The following PCDHGA10 variants were observed in gnomAD, a reference collection of about 807,000 sequenced individuals.
PCDHGA10 encodes protocadherin gamma-A10.
Under a neutral mutation model 59.5 loss-of-function variants are expected in PCDHGA10, and 42 were observed. The observed-to-expected ratio is 0.71, with a 90% CI of 0.55 to 0.91. The LOEUF (loss-of-function observed/expected upper bound fraction) is 0.91. PCDHGA10 is among the 40% of genes least tolerant of loss of function. The pLI is 0.00. For missense variants in PCDHGA10, 1,111 were observed against 1,198.2 expected, an observed-to-expected ratio of 0.93 and a Z score of 1.07; for synonymous variants, 511 against 517.2, an observed-to-expected ratio of 0.99 and a Z score of 0.16.
chr5:141,430,155 A>G (rs1440666899), intron 1 of PCDHGA10, among the ~76,000 whole-genome samples: 7 of 152,184 alleles, frequency 4.6e-5, no homozygotes, highest in Admixed American at 1.3e-4. Flanking sequence ...CATTCAAGGA[A>G]TCTATTTAAA....
chr5:141,465,950 A>G (rs570810183), intron 1 of PCDHGA10, among the ~76,000 whole-genome samples: 2 of 152,102 alleles, frequency 1.3e-5, no homozygotes, highest in African/African-American at 4.8e-5. Flanking sequence ...GTGAAACCCC[A>G]TCTCTACTAA....
At position 141,431,338 on chromosome 5, in the gene PCDHGA10, A is replaced by G; in HGVS notation, c.2436+15727A>G. On this transcript the variant is annotated intron_variant, in intron 1 of 3. Transcript: ENST00000398610. This position sits in a 1 kb window ranked among gnomAD's most constrained non-coding sequence, Gnocchi z 4.8. ...GAGCCGACGGTAGTAAGTACCCCGA[A>G]TTGGTGCTGAAACGCGCCCTGGACC... 1 of 1,614,068 alleles carries G rather than the reference A, an allele frequency of 6.2e-7. No homozygotes were observed. The highest frequency in any genetic ancestry group is 8.5e-7 in the Non-Finnish European group (1 of 1,180,032).
intron 2 of PCDHGA10, 179 bp downstream of exon 2, chr5:141,495,044 T>C (rs2099758475): frequency 1.1e-6 from 1 of 944,572 alleles, no homozygotes; most frequent in Non-Finnish European, 1.3e-6. Flanking sequence ...AAGAGGCGAC[T>C]GCCCTGACTG....
chr5:141,418,527 G>A, intron 1 of PCDHGA10: 2 of 1,614,018 alleles, frequency 1.2e-6, no homozygotes, highest in South Asian at 1.1e-5. Flanking sequence ...CCTCCCCGAA[G>A]CGGTACTGCT....
intron 1 of PCDHGA10, among the ~76,000 whole-genome samples, chr5:141,470,624 A>G (rs1421700811): frequency 6.6e-6 from 1 of 152,220 alleles, no homozygotes; most frequent in Non-Finnish European, 1.5e-5. Flanking sequence ...TCATGCTTAG[A>G]TAGGCCCCCT....
At chr5:141,419,190 A>G in intron 1 of PCDHGA10, 1 of 1,613,930 alleles carries the variant, frequency 6.2e-7, no homozygotes, top group South Asian at 1.1e-5. Flanking sequence ...CACATTACTG[A>G]CGTCAATGAC....
rs2098098668 is a variant in PCDHGA10, at chr5:141,439,210, T to C, written c.2436+23599T>C. Among the ~76,000 whole-genome samples the C allele has an allele frequency of 4.0e-5, 6 of 150,296 alleles. No homozygotes were observed. The Middle Eastern group carries it at 0.014, about 343-fold the overall frequency. On this transcript the variant is annotated intron_variant, in intron 1 of 3. Transcript: ENST00000398610. The stretch of plus-strand genomic sequence containing the variant: ...TCTGACAAAAAAAAAAAAAAATCCA[T>C]ATGTGAAAATTCTTAGAAGCTTCCT...
In PCDHGA10 at chr5:141,486,705, A is replaced by T. The variant is rs2099633722; in HGVS notation, c.2437-8102A>T. On this transcript the variant is annotated intron_variant, in intron 1 of 3. Transcript: ENST00000398610. This position sits in a 1 kb window ranked among gnomAD's most constrained non-coding sequence, Gnocchi z 5.0. ...TCAGCTTCCTCTTTCATCTCTCTGA[A>T]CCCCCAGACAGGAGCTGTTCATGCT... The T allele has an allele frequency of 6.2e-7, 1 of 1,613,844 alleles. No individual in the cohort carries two copies. The highest frequency in any genetic ancestry group is 1.3e-5 in the African/African-American group (1 of 74,910).
At chr5:141,421,770 G>T in intron 1 of PCDHGA10, 6 of 1,613,856 alleles carry the variant, frequency 3.7e-6, no homozygotes, top group East Asian at 2.2e-5. Context: ...ACTTTTCCTT[G>T]CAACTGCGGG....
In PCDHGA10 at chr5:141,493,233, G is replaced by T. The variant is rs1335823475; in HGVS notation, c.2437-1574G>T. ...TTTGCTCTTCCCACCATTGCTGTTG[G>T]CTAGGTACTAACATGCCTCTCTTAT... is the stretch of plus-strand genomic sequence containing the variant. On this transcript the variant is annotated intron_variant, in intron 1 of 3. Coordinates refer to ENST00000398610, the MANE Select transcript of PCDHGA10 (RefSeq NM_018913.3). This position sits in a 1 kb window ranked among gnomAD's most constrained non-coding sequence, Gnocchi z 4.3. 6.6e-6 allele frequency among the ~76,000 whole-genome samples: 1 copy of T among 152,172 alleles called. No homozygotes were observed. The highest frequency in any genetic ancestry group is 2.1e-4 in the South Asian group (1 of 4,828).
chr5:141,476,553 A>G lies in PCDHGA10; in HGVS notation c.2437-18254A>G. On this transcript the variant is annotated intron_variant, in intron 1 of 3. Coordinates refer to ENST00000398610, the MANE Select transcript of PCDHGA10 (RefSeq NM_018913.3). The surrounding 1 kb of genome is among the most constrained non-coding windows in gnomAD (Gnocchi z 7.6). ...CAGGAAATGAAATTGGAGATTAGCG[A>G]GGCCGTGGCTCCGGGGACGCGCTTT... The G allele has an allele frequency of 1.2e-6, 2 of 1,614,226 alleles. No homozygotes were observed. The highest frequency in any genetic ancestry group is 1.7e-6 in the Non-Finnish European group (2 of 1,180,040).
At chr5:141,465,826 T>A (rs1402342209) in intron 1 of PCDHGA10, among the ~76,000 whole-genome samples, 1 of 151,994 alleles carries the variant, frequency 6.6e-6, no homozygotes, top group Non-Finnish European at 1.5e-5. Context: ...CACATTTGTT[T>A]AAAATTTCAA....
At chr5:141,461,757 G>A (rs2099022119) in intron 1 of PCDHGA10, among the ~76,000 whole-genome samples, 1 of 151,994 alleles carries the variant, frequency 6.6e-6, no homozygotes, top group Non-Finnish European at 1.5e-5. Context: ...AGATTCAAGC[G>A]ATTCTCCTGC....
At position 141,432,881 on chromosome 5, in the gene PCDHGA10, G is replaced by A; in HGVS notation, c.2436+17270G>A. On this transcript the variant is annotated intron_variant, in intron 1 of 3. Coordinates refer to ENST00000398610, the MANE Select transcript of PCDHGA10 (RefSeq NM_018913.3). This position sits in a 1 kb window ranked among gnomAD's most constrained non-coding sequence, Gnocchi z 6.0. ...GGTCTCCTGCGTCTTCCTGGCCTTC[G>A]TCATCTTGCTGCTGGCGCTCAGGCT... 6.2e-7 allele frequency: 1 copy of A among 1,614,170 alleles called. No homozygotes were observed. The highest frequency in any genetic ancestry group is 1.1e-5 in the South Asian group (1 of 91,088).
intron 1 of PCDHGA10, among the ~76,000 whole-genome samples, chr5:141,457,046 T>A (rs2098905373): frequency 6.6e-6 from 1 of 152,198 alleles, no homozygotes; most frequent in South Asian, 2.1e-4. Flanking sequence ...ATAGTAAAAC[T>A]TTCATGCTTC....
chr5:141,476,850 A>C lies in PCDHGA10; in HGVS notation c.2437-17957A>C, dbSNP rs747333239. Reference sequence around the variant, plus strand: ...GCGAATGACAATGCGCCTGTCTTCAACCAGTCCTTGTACCGGGCGCGCGTC... The same window carrying C: ...GCGAATGACAATGCGCCTGTCTTCACCCAGTCCTTGTACCGGGCGCGCGTC... On this transcript the variant is annotated intron_variant, in intron 1 of 3. Transcript: ENST00000398610. The surrounding 1 kb of genome is among the most constrained non-coding windows in gnomAD (Gnocchi z 7.6). The C allele has an allele frequency of 5.6e-6, 9 of 1,613,718 alleles. No individual in the cohort carries two copies. Among genetic ancestry groups the C allele is most frequent in the Non-Finnish European group, 7.6e-6 (9 of 1,180,054 alleles).
In PCDHGA10 at chr5:141,482,773, C is replaced by A. The variant is rs2009076; in HGVS notation, c.2437-12034C>A. ...ATTATGGTATTTCATTATCACTGAA[C>A]CTTAAACTGTGTGTGTGGCCGGGTA... On this transcript the variant is annotated intron_variant, in intron 1 of 3. Coordinates refer to ENST00000398610, the MANE Select transcript of PCDHGA10 (RefSeq NM_018913.3). 9.1e-3 allele frequency among the ~76,000 whole-genome samples: 1,158 copies of A among 127,768 alleles called. 29 individuals carry two copies. Among genetic ancestry groups the A allele is most frequent in the Middle Eastern group, 0.013 (3 of 228 alleles). 83.8% of individuals were successfully genotyped at this position (127,768 alleles called of 152,430 possible). A position where few individuals can be genotyped will look rare whatever the true frequency, so the allele number is the denominator to read the frequency against.
At chr5:141,483,242 C>T (rs2099578681) in intron 1 of PCDHGA10, among the ~76,000 whole-genome samples, 1 of 151,558 alleles carries the variant, frequency 6.6e-6, no homozygotes, top group African/African-American at 2.4e-5. Flanking sequence ...AACTGATATG[C>T]ATATATCATG....
rs748803155 is a variant in PCDHGA10, at chr5:141,490,087, G to C, written c.2437-4720G>C. ...CGGCCAACTAGACTATTCTTTTGGAGACCACACATCTGAGGCAGTGCGGAA... is the reference window on the plus strand; with the variant it reads ...CGGCCAACTAGACTATTCTTTTGGACACCACACATCTGAGGCAGTGCGGAA... On this transcript the variant is annotated intron_variant, in intron 1 of 3. Transcript: ENST00000398610. The surrounding 1 kb of genome is among the most constrained non-coding windows in gnomAD (Gnocchi z 5.4). 1.9e-6 allele frequency: 3 copies of C among 1,614,244 alleles called. No individual in the cohort carries two copies. Among genetic ancestry groups the C allele is most frequent in the Non-Finnish European group, 2.5e-6 (3 of 1,180,044 alleles).
Sources: gnomAD v4.1 joint callset for allele counts (sites outside exome capture counted in the v4.1 genomes callset) on GRCh38, gnomAD v4.1.1 for gene constraint, Gnocchi (gnomAD v3.1) non-coding constraint, MANE v1.5 for transcripts, NCBI Gene and HGNC (gene_info 2026-07-23, HGNC 2026-07-21) for gene names.